TRPC4: variants seen among roughly 807,000 people sequenced by gnomAD.
TRPC4 encodes the protein short transient receptor potential channel 4.
In TRPC4, 49 loss-of-function variants were observed where a neutral mutation model predicts 99.4. The observed-to-expected ratio is 0.49, with a 90% CI of 0.39 to 0.63. The LOEUF is 0.63. Ranked by LOEUF, TRPC4 falls within the 20% of genes least tolerant of loss-of-function variation. The probability of loss-of-function intolerance (pLI) is 0.00; values close to 1 mark genes in which losing one functional copy is unlikely to be tolerated. For synonymous variants in TRPC4, 454 were observed against 425.9 expected (o/e 1.07, Z -0.81); for missense variants, 898 against 1,152.9 (o/e 0.78, Z 3.20).
chr13:37,758,505 A>G (rs1435950585), intron 2 of TRPC4, among the ~76,000 whole-genome samples: 2 of 151,800 alleles, frequency 1.3e-5, no homozygotes, highest in Non-Finnish European at 3.0e-5. Context: ...GGAAATGTTT[A>G]TTCTTATTAT....
chr13:37,745,205 C>T (rs74047144), intron 3 of TRPC4, among the ~76,000 whole-genome samples: 6,168 of 151,414 alleles, frequency 0.041, 341 homozygotes, highest in African/African-American at 0.13. Context: ...ACAGTTGTCC[C>T]CAAGCATCTG....
intron 1 of TRPC4, among the ~76,000 whole-genome samples, chr13:37,813,429 G>T (rs1051874224): frequency 6.6e-6 from 1 of 151,246 alleles, no homozygotes. Flanking sequence ...AGAAACAATA[G>T]GAAGAATCAA....
chr13:37,754,749 T>C (rs947868867), intron 2 of TRPC4, among the ~76,000 whole-genome samples: 1 of 152,146 alleles, frequency 6.6e-6, no homozygotes, highest in African/African-American at 2.4e-5. Context: ...ATGTATCTCT[T>C]CAATATTTTT....
rs144167943 is a variant in TRPC4 at position 37,828,531 on chromosome 13, G to A, written c.-28+41064C>T. Among the ~76,000 whole-genome samples, 70 of 152,278 alleles carry A rather than the reference G, an allele frequency of 4.6e-4. 1 individual carries two copies. In the Middle Eastern group the frequency reaches 0.024, roughly 52 times the overall value. On this transcript the variant is annotated intron_variant, in intron 1 of 10. Coordinates refer to ENST00000379705, the MANE Select transcript of TRPC4 (RefSeq NM_016179.4). Reference sequence around the variant, plus strand: ...ATTATTCTACCATAAAGACATGCATGTGTATGTTCATCACACCACTATTCA... The same window carrying A: ...ATTATTCTACCATAAAGACATGCATATGTATGTTCATCACACCACTATTCA...
chr13:37,756,375 A>T (rs1478402610), intron 2 of TRPC4, among the ~76,000 whole-genome samples: 1 of 152,158 alleles, frequency 6.6e-6, no homozygotes, highest in Admixed American at 6.5e-5. Flanking sequence ...ACAGAATTCA[A>T]ATTTGCACTT....
chr13:37,731,008 A>T (rs1955221632), intron 3 of TRPC4, among the ~76,000 whole-genome samples: 1 of 152,058 alleles, frequency 6.6e-6, no homozygotes, highest in African/African-American at 2.4e-5. Flanking sequence ...CCAGATGTCA[A>T]AGTATAATAA....
chr13:37,793,446 C>T (rs1302611990), intron 1 of TRPC4, among the ~76,000 whole-genome samples: 2 of 141,748 alleles, frequency 1.4e-5, no homozygotes, highest in African/African-American at 5.3e-5. Context: ...CTCCCCCTAC[C>T]CCACAACAGG....
rs1452918188 is a variant in TRPC4, at chr13:37,632,470, A to C, written c.*4433T>G. On this transcript the variant is annotated 3_prime_UTR_variant, in exon 11 of 11. Transcript: ENST00000379705. The stretch of plus-strand genomic sequence containing the variant: ...TTAATTCAGACTTGTCACACTTACA[A>C]GTGATTAATAGCCGTATGAGTATAG... 6.6e-6 allele frequency among the ~76,000 whole-genome samples: 1 copy of C among 152,202 alleles called. No individual in the cohort carries two copies. The highest frequency in any genetic ancestry group is 1.5e-5 in the Non-Finnish European group (1 of 68,040).
intron 3 of TRPC4, among the ~76,000 whole-genome samples, chr13:37,720,589 T>C (rs1332501523): frequency 1.3e-5 from 2 of 152,196 alleles, no homozygotes; most frequent in African/African-American, 4.8e-5. Context: ...AAATAATCAG[T>C]ATTTAAGTGT....
At chr13:37,837,080 A>T (rs560878270) in intron 1 of TRPC4, among the ~76,000 whole-genome samples, 1 of 152,364 alleles carries the variant, frequency 6.6e-6, no homozygotes, top group Non-Finnish European at 1.5e-5. Flanking sequence ...TGAGCTTTCC[A>T]GTGCACAGAA....
intron 3 of TRPC4, among the ~76,000 whole-genome samples, chr13:37,704,952 A>G (rs1041487135): frequency 6.6e-6 from 1 of 152,174 alleles, no homozygotes; most frequent in African/African-American, 2.4e-5. Flanking sequence ...CTAGGCATAT[A>G]TCTATAAGAA....
At chr13:37,774,180 C>A (rs1049262205) in intron 2 of TRPC4, among the ~76,000 whole-genome samples, 1 of 151,512 alleles carries the variant, frequency 6.6e-6, no homozygotes, top group Admixed American at 6.6e-5. Context: ...GTATTATCAC[C>A]TTTTTTAAGG....
intron 3 of TRPC4, among the ~76,000 whole-genome samples, chr13:37,724,432 T>C (rs1954970522): frequency 6.6e-6 from 1 of 152,210 alleles, no homozygotes; most frequent in African/African-American, 2.4e-5. Context: ...TATTATTTCA[T>C]GCCTTTAAAT....
intron 3 of TRPC4, among the ~76,000 whole-genome samples, chr13:37,719,334 T>C (rs1954787268): frequency 6.6e-6 from 1 of 151,734 alleles, no homozygotes; most frequent in Non-Finnish European, 1.5e-5. Context: ...GGTGACAGAG[T>C]GAGACCATGT....
In TRPC4 at chr13:37,812,452, A is replaced by C. The variant is rs115685726; in HGVS notation, c.-27-29092T>G. 3.8e-3 allele frequency among the ~76,000 whole-genome samples: 572 copies of C among 152,160 alleles called. 4 individuals carry two copies. The highest frequency in any genetic ancestry group is 0.013 in the African/African-American group (551 of 41,538). ...GAAAAGCTACATTATGACAGTTCTT[A>C]AAAGTTTATTAATGATAACTACAGT... On this transcript the variant is annotated intron_variant, in intron 1 of 10. Coordinates refer to ENST00000379705, the MANE Select transcript of TRPC4 (RefSeq NM_016179.4).
intron 7 of TRPC4, 82 bp from the exon 8 acceptor site, chr13:37,651,541 AC>A: frequency 7.9e-7 from 1 of 1,264,898 alleles, no homozygotes; most frequent in Non-Finnish European, 1.1e-6. Flanking sequence ...CTGTAACCTG[AC>A]TTCAAGCGGC....
intron 1 of TRPC4, among the ~76,000 whole-genome samples, chr13:37,804,757 A>G (rs1207810359): frequency 6.6e-6 from 1 of 152,058 alleles, no homozygotes; most frequent in Non-Finnish European, 1.5e-5. Context: ...AGTGTTTTCA[A>G]ATGTGTGACT....
intron 1 of TRPC4, among the ~76,000 whole-genome samples, chr13:37,809,332 C>T (rs1403779268): frequency 6.6e-6 from 1 of 151,946 alleles, no homozygotes; most frequent in Admixed American, 6.6e-5. Context: ...TAAGTTGTTA[C>T]TTTTCTAATT....
chr13:37,636,775 A>ACGTGTT lies in TRPC4; in HGVS notation c.*127_*128insAACACG. ...GCCTTATTTAAACATGTTACAGGTA[A>ACGTGTT]TATGCCACAGCTGATAAACGCTATA... On this transcript the variant is annotated 3_prime_UTR_variant, in exon 11 of 11. Coordinates refer to ENST00000379705, the MANE Select transcript of TRPC4 (RefSeq NM_016179.4). 1 of 1,306,006 alleles carries ACGTGTT rather than the reference A, an allele frequency of 7.7e-7. No homozygotes were observed. The highest frequency in any genetic ancestry group is 1.0e-6 in the Non-Finnish European group (1 of 979,424). 80.9% of individuals were successfully genotyped at this position (1,306,006 alleles called of 1,614,324 possible).
Sources: gnomAD v4.1 joint callset for allele counts (sites outside exome capture counted in the v4.1 genomes callset) on GRCh38, gnomAD v4.1.1 for gene constraint, MANE v1.5 for transcripts, NCBI Gene and HGNC (gene_info 2026-07-23, HGNC 2026-07-21) for gene names.